Variants in TMIGD3 observed in about 807,000 individuals in gnomAD.
The protein encoded by TMIGD3 is AD026 protein (AD026).
Under a neutral mutation model 28.1 loss-of-function variants are expected in TMIGD3, and 21 were observed. That is an observed-to-expected ratio of 0.75 (90% CI 0.53 to 1.08). The LOEUF is 1.08. Among genes scored for constraint, TMIGD3 ranks in the 50% least tolerant of loss-of-function variants. The pLI is 0.00. For synonymous variants in TMIGD3, 151 were observed against 162.1 expected, an observed-to-expected ratio of 0.93 and a Z score of 0.52; for missense variants, 416 against 435.6, an observed-to-expected ratio of 0.96 and a Z score of 0.40.
chr1:111,503,519 T>C lies in TMIGD3; in HGVS notation c.-165A>G. On this transcript the variant is annotated 5_prime_UTR_variant, in exon 1 of 6. Coordinates refer to ENST00000369716, the MANE Select transcript of TMIGD3 (RefSeq NM_020683.7). ...CCTACCCTTTTCTGGTGGGGTGATCTCTTGGAAACCCTTCTCCTTAGAAAG... is the reference window on the plus strand; with the variant it reads ...CCTACCCTTTTCTGGTGGGGTGATCCCTTGGAAACCCTTCTCCTTAGAAAG... 7.0e-7 allele frequency: 1 copy of C among 1,431,544 alleles called. No individual in the cohort carries two copies. Among genetic ancestry groups the C allele is most frequent in the Non-Finnish European group, 9.1e-7 (1 of 1,095,260 alleles). 88.7% of individuals were successfully genotyped at this position (1,431,544 alleles called of 1,614,324 possible).
In TMIGD3 at chr1:111,483,740, G is replaced by C. The variant is rs777232434; in HGVS notation, c.991C>G (p.Pro331Ala). 1.2e-6 allele frequency: 2 copies of C among 1,613,978 alleles called. No homozygotes were observed. Among genetic ancestry groups the C allele is most frequent in the East Asian group, 2.2e-5 (1 of 44,886 alleles). ...TTTGGAGTCAGGACACGCGAGAAGGGCTTCAAAGTGTTGCCTACTTTGTTG... is the reference window on the plus strand; with the variant it reads ...TTTGGAGTCAGGACACGCGAGAAGGCCTTCAAAGTGTTGCCTACTTTGTTG... Reference protein sequence around the residue: ...RNRRVGNTLKPFSRVLTPKEM... With the variant: ...RNRRVGNTLKAFSRVLTPKEM... Residue 331 changes from proline (P) to alanine (A), a missense_variant, in exon 6 of 6, where the codon CCC becomes GCC. Transcript: ENST00000369716.
chr1:111,536,327 A>C (rs1656639086), intron 1 of TMIGD3, among the ~76,000 whole-genome samples: 1 of 152,168 alleles, frequency 6.6e-6, no homozygotes, highest in South Asian at 2.1e-4. Flanking sequence ...ACACAGATCA[A>C]CTTCCACATT....
chr1:111,514,973 C>T (rs550314992), intron 1 of TMIGD3, among the ~76,000 whole-genome samples: 15 of 152,328 alleles, frequency 9.8e-5, no homozygotes, highest in African/African-American at 3.4e-4. Flanking sequence ...CAAGTTTGCA[C>T]TGCTAGCAAA....
chr1:111,495,228 G>C (rs1263687393), intron 1 of TMIGD3, among the ~76,000 whole-genome samples: 4 of 152,026 alleles, frequency 2.6e-5, no homozygotes, highest in African/African-American at 9.7e-5. Context: ...TCTGACAAAG[G>C]TCTAATATCC....
chr1:111,535,781 G>A (rs1656618716), intron 1 of TMIGD3, among the ~76,000 whole-genome samples: 1 of 152,206 alleles, frequency 6.6e-6, no homozygotes, highest in South Asian at 2.1e-4. Context: ...TGTGTCCTGT[G>A]TGATGTCTCC....
At chr1:111,526,842 GC>G (rs1656281733) in intron 1 of TMIGD3, among the ~76,000 whole-genome samples, 1 of 151,870 alleles carries the variant, frequency 6.6e-6, no homozygotes, top group African/African-American at 2.4e-5. Flanking sequence ...ATCCCTCCCT[GC>G]CCACCAACCT....
chr1:111,561,495 T>C (rs1433967952), intron 1 of TMIGD3, among the ~76,000 whole-genome samples: 1 of 151,898 alleles, frequency 6.6e-6, no homozygotes, highest in East Asian at 1.9e-4. Flanking sequence ...CAGAAGCAGA[T>C]TGTGTATGTA....
At chr1:111,535,899 G>C (rs1324041542) in intron 1 of TMIGD3, among the ~76,000 whole-genome samples, 1 of 152,206 alleles carries the variant, frequency 6.6e-6, no homozygotes, top group African/African-American at 2.4e-5. Flanking sequence ...TGTATGAGGA[G>C]AGAGCATTGA....
chr1:111,483,936 A>G (rs545214930), intron 5 of TMIGD3, among the ~76,000 whole-genome samples, 179 bp from the exon 6 acceptor site: 1 of 152,342 alleles, frequency 6.6e-6, no homozygotes, highest in East Asian at 1.9e-4. Flanking sequence ...AGGAAAGTCA[A>G]TAAGAAGGCT....
chr1:111,521,418 A>G (rs1656057186), intron 1 of TMIGD3, among the ~76,000 whole-genome samples: 1 of 152,170 alleles, frequency 6.6e-6, no homozygotes, highest in Non-Finnish European at 1.5e-5. Flanking sequence ...CAGTTTCTCC[A>G]CATACATCCT....
At position 111,551,107 on chromosome 1, in the gene TMIGD3, C is replaced by T. The variant is rs973879206; in HGVS notation, c.107+12739G>A. Among the ~76,000 whole-genome samples, 8 of 152,268 alleles carry T rather than the reference C, an allele frequency of 5.3e-5. No homozygotes were observed. The East Asian group carries it at 1.5e-3, about 29-fold the overall frequency. On this transcript the variant is annotated intron_variant, in intron 1 of 5. Coordinates refer to the TMIGD3 transcript ENST00000369717. ...ATACTTATCTTTTCTCATTCTTTTACTTTCAACCTGTTTGTGTCTTTAAAT... is the reference window on the plus strand; with the variant it reads ...ATACTTATCTTTTCTCATTCTTTTATTTTCAACCTGTTTGTGTCTTTAAAT...
At chr1:111,519,150 G>T (rs1571431374) in intron 1 of TMIGD3, among the ~76,000 whole-genome samples, 2 of 152,098 alleles carry the variant, frequency 1.3e-5, no homozygotes, top group South Asian at 4.1e-4. Flanking sequence ...TGTTGGCCAG[G>T]CTGGTCTCAA....
intron 1 of TMIGD3, among the ~76,000 whole-genome samples, chr1:111,531,131 A>G (rs1351729067): frequency 6.6e-6 from 1 of 152,184 alleles, no homozygotes; most frequent in Non-Finnish European, 1.5e-5. Flanking sequence ...TGCAAAAATT[A>G]GCTAGGTGTG....
At chr1:111,528,580 T>C (rs1009175565) in intron 1 of TMIGD3, among the ~76,000 whole-genome samples, 3 of 152,192 alleles carry the variant, frequency 2.0e-5, no homozygotes, top group Non-Finnish European at 4.4e-5. Context: ...ACTATAGATA[T>C]AGTTTCAGAA....
chr1:111,541,823 A>T (rs191823813), intron 1 of TMIGD3, among the ~76,000 whole-genome samples: 1 of 152,208 alleles, frequency 6.6e-6, no homozygotes, highest in Non-Finnish European at 1.5e-5. Flanking sequence ...AGAGAGTAGC[A>T]TCGCCAAGAT....
intron 1 of TMIGD3, among the ~76,000 whole-genome samples, chr1:111,526,151 T>A (rs6661573): frequency 0.58 from 88,239 of 151,916 alleles, 25,958 homozygotes; most frequent in East Asian, 0.78. Context: ...AATTGAGTGG[T>A]AAGTACAGAG....
intron 1 of TMIGD3, among the ~76,000 whole-genome samples, chr1:111,496,383 T>C (rs998409760): frequency 2.0e-5 from 3 of 152,156 alleles, no homozygotes; most frequent in Non-Finnish European, 4.4e-5. Context: ...ACCTAAAGCC[T>C]TTCCCTTTTT....
At position 111,513,919 on chromosome 1, in the gene TMIGD3, T is replaced by A. The variant is rs766159616; in HGVS notation, c.108-23157A>T. Among the ~76,000 whole-genome samples the A allele has an allele frequency of 2.0e-5, 3 of 152,080 alleles. No individual in the cohort carries two copies. The East Asian group carries it at 5.8e-4, about 29-fold the overall frequency. On this transcript the variant is annotated intron_variant, in intron 1 of 5. Transcript: ENST00000369717. The stretch of plus-strand genomic sequence containing the variant: ...TGCAGGGAGGCAGGGCATCCCCTAG[T>A]TGGGGTGCGGTTGCATGGGAGCTGG...
At chr1:111,538,216 T>C (rs1656705489) in intron 1 of TMIGD3, among the ~76,000 whole-genome samples, 2 of 152,158 alleles carry the variant, frequency 1.3e-5, no homozygotes, top group Non-Finnish European at 2.9e-5. Flanking sequence ...TATCAAACAT[T>C]TATCAAATAC....
Sources: gnomAD v4.1 joint callset for allele counts (sites outside exome capture counted in the v4.1 genomes callset) on GRCh38, gnomAD v4.1.1 for gene constraint, MANE v1.5 for transcripts, NCBI Gene and HGNC (gene_info 2026-07-23, HGNC 2026-07-21) for gene names.